BMP5: variants seen among roughly 807,000 people sequenced by gnomAD.
BMP5 encodes the protein bone morphogenetic protein 5.
BMP5 carries 23 observed loss-of-function variants against 46.6 expected under a neutral mutation model. The ratio of observed to expected loss-of-function variants is 0.49; its 90% CI spans 0.35 to 0.70. BMP5 has a LOEUF of 0.70. BMP5 is among the 30% of genes least tolerant of loss of function. The pLI, the probability that BMP5 is intolerant of heterozygous loss-of-function variation, is 0.00. For synonymous variants in BMP5, 204 were observed against 191.9 expected (o/e 1.06, Z -0.52); for missense variants, 545 against 565.6 (o/e 0.96, Z 0.37).
chr6:55,874,751 T>C lies in BMP5; in HGVS notation c.115A>G (p.Ile39Val). 1.2e-6 allele frequency: 2 copies of C among 1,613,500 alleles called. No individual in the cohort carries two copies. The highest frequency in any genetic ancestry group is 2.2e-5 in the South Asian group (2 of 91,074). ...TCGTGGTTCCGTAGTCTTCTATAAATAAAACTGGAGTGAACATGATTGTCT... is the reference window on the plus strand; with the variant it reads ...TCGTGGTTCCGTAGTCTTCTATAAACAAAACTGGAGTGAACATGATTGTCT... ...LGDNHVHSSF[I>V]YRRLRNHERR... Residue 39 changes from isoleucine to valine, a missense_variant, in exon 1 of 7, where the codon ATT becomes GTT. By Grantham distance (29) the Ile-to-Val change is conservative (BLOSUM62 3). Transcript: ENST00000370830.
chr6:55,821,142 A>G (rs954326792), intron 1 of BMP5, among the ~76,000 whole-genome samples: 1 of 152,176 alleles, frequency 6.6e-6, no homozygotes, highest in Non-Finnish European at 1.5e-5. Flanking sequence ...ACCATCAGGA[A>G]TGATGCTGCG....
rs1776721957 is a variant in BMP5 at position 55,833,896 on chromosome 6, C to T, written c.491-14049G>A. Among the ~76,000 whole-genome samples, 2 of 151,968 alleles carry T rather than the reference C, an allele frequency of 1.3e-5. 1 individual carries two copies. Among genetic ancestry groups the T allele is most frequent in the South Asian group, 4.1e-4 (2 of 4,822 alleles). ...AATGTCCAGAGAGAACCACTAACAA[C>T]AATGATGATGACTATAAAAATTTTA... On this transcript the variant is annotated intron_variant, in intron 1 of 6. Transcript: ENST00000370830.
rs997768431 is a variant in BMP5, at chr6:55,760,005, T to A, written c.1104+452A>T. Reference sequence around the variant, plus strand: ...GTGAAATTTTCCTCCTCATCCTGTTTCTAAAGGCTACCCAAAAGATAGCAA... The same window carrying A: ...GTGAAATTTTCCTCCTCATCCTGTTACTAAAGGCTACCCAAAAGATAGCAA... On this transcript the variant is annotated intron_variant, in intron 5 of 6. Transcript: ENST00000370830. Among the ~76,000 whole-genome samples the A allele has an allele frequency of 2.0e-5, 3 of 152,022 alleles. No homozygotes were observed. The South Asian group carries it at 6.2e-4, about 31-fold the overall frequency.
At chr6:55,793,459 G>T (rs570327557) in intron 3 of BMP5, among the ~76,000 whole-genome samples, 1 of 152,236 alleles carries the variant, frequency 6.6e-6, no homozygotes, top group East Asian at 1.9e-4. Context: ...ATCTGCATTG[G>T]CTCACTTTTA....
intron 1 of BMP5, among the ~76,000 whole-genome samples, chr6:55,844,802 G>A (rs1777056899): frequency 6.6e-6 from 1 of 151,522 alleles, no homozygotes; most frequent in Admixed American, 6.6e-5. Flanking sequence ...AAATATACAA[G>A]AAATAAAACT....
At chr6:55,811,977 T>C (rs1194279879) in intron 2 of BMP5, among the ~76,000 whole-genome samples, 1 of 152,192 alleles carries the variant, frequency 6.6e-6, no homozygotes, top group Non-Finnish European at 1.5e-5. Flanking sequence ...TATGAGCTTC[T>C]GAGGCCCTAT....
At chr6:55,764,273 C>T (rs1311477458) in intron 4 of BMP5, among the ~76,000 whole-genome samples, 1 of 152,052 alleles carries the variant, frequency 6.6e-6, no homozygotes, top group African/African-American at 2.4e-5. Context: ...TATTATTCAG[C>T]CATAAAAAGA....
intron 1 of BMP5, among the ~76,000 whole-genome samples, chr6:55,839,326 T>C (rs531730799): frequency 6.6e-6 from 1 of 152,118 alleles, no homozygotes; most frequent in Admixed American, 6.6e-5. Context: ...TCATCATTTA[T>C]TATTAATTTA....
intron 4 of BMP5, among the ~76,000 whole-genome samples, chr6:55,764,389 C>T (rs1383449535): frequency 2.0e-5 from 3 of 151,932 alleles, no homozygotes; most frequent in Non-Finnish European, 4.4e-5. Context: ...CTGGCTAACA[C>T]GGTGAAACCC....
intron 2 of BMP5, among the ~76,000 whole-genome samples, chr6:55,815,270 A>G (rs2127536897): frequency 6.6e-6 from 1 of 152,336 alleles, no homozygotes; most frequent in East Asian, 1.9e-4. Context: ...AATATACTAT[A>G]ACCCTAGAAG....
At chr6:55,864,039 A>T (rs74901312) in intron 1 of BMP5, among the ~76,000 whole-genome samples, 2 of 145,652 alleles carry the variant, frequency 1.4e-5, no homozygotes, top group African/African-American at 2.4e-5. Flanking sequence ...TCACACATAT[A>T]AAAAAAAAGC....
intron 1 of BMP5, among the ~76,000 whole-genome samples, chr6:55,824,415 G>T (rs990765989): frequency 2.6e-5 from 4 of 151,812 alleles, no homozygotes; most frequent in Non-Finnish European, 4.4e-5. Flanking sequence ...AGTATTTCCA[G>T]TAAAATCTGT....
chr6:55,838,332 A>G (rs1776872836), intron 1 of BMP5, among the ~76,000 whole-genome samples: 1 of 152,182 alleles, frequency 6.6e-6, no homozygotes, highest in Non-Finnish European at 1.5e-5. Flanking sequence ...GATATAAGCC[A>G]TATTAACTGG....
At chr6:55,780,456 T>TAAAAAAAAA (rs369703099) in intron 3 of BMP5, among the ~76,000 whole-genome samples, 5 of 61,980 alleles carry the variant, frequency 8.1e-5, no homozygotes, top group African/African-American at 2.5e-4. Context: ...CCATCACTAC[T>TAAAAAAAAA]AAAAAAAAAA....
intron 1 of BMP5, among the ~76,000 whole-genome samples, chr6:55,872,123 G>C (rs1777801994): frequency 6.6e-6 from 1 of 151,714 alleles, no homozygotes; most frequent in Middle Eastern, 3.2e-3. Flanking sequence ...AAAAGTTGAA[G>C]CTTTTTACTA....
intron 3 of BMP5, among the ~76,000 whole-genome samples, chr6:55,787,516 A>C (rs1218057040): frequency 2.0e-5 from 3 of 151,692 alleles, no homozygotes; most frequent in Non-Finnish European, 4.4e-5. Flanking sequence ...TTTAGGAAAT[A>C]TTACTGGATA....
chr6:55,771,562 C>G (rs1255916190), intron 4 of BMP5, among the ~76,000 whole-genome samples: 1 of 151,830 alleles, frequency 6.6e-6, no homozygotes. Context: ...GACTCCTATT[C>G]TGTGCTGGTT....
chr6:55,809,736 A>G (rs1014737767), intron 2 of BMP5, among the ~76,000 whole-genome samples: 1 of 152,126 alleles, frequency 6.6e-6, no homozygotes, highest in Non-Finnish European at 1.5e-5. Context: ...TAGCCACTCT[A>G]CTATCTAATC....
At chr6:55,834,848 A>G (rs987929119) in intron 1 of BMP5, among the ~76,000 whole-genome samples, 1 of 152,188 alleles carries the variant, frequency 6.6e-6, no homozygotes, top group Non-Finnish European at 1.5e-5. Flanking sequence ...TGGGAAGTTG[A>G]GGCAGGTGGA....
Sources: allele counts gnomAD v4.1 joint callset (sites outside exome capture counted in the v4.1 genomes callset), GRCh38; gene constraint gnomAD v4.1.1; transcripts MANE v1.5; gene names NCBI Gene and HGNC (gene_info 2026-07-23, HGNC 2026-07-21).